GNPTAB: variants seen among roughly 807,000 people sequenced by gnomAD.
The protein encoded by GNPTAB is N-acetylglucosamine-1-phosphate transferase subunits alpha and beta.
GNPTAB carries 92 observed loss-of-function variants against 136.6 expected under a neutral mutation model. That is an observed-to-expected ratio of 0.67 (90% CI 0.57 to 0.80). The LOEUF (loss-of-function observed/expected upper bound fraction) is 0.80, where lower values mean the gene tolerates loss of function less well. GNPTAB is among the 30% of genes least tolerant of loss of function. The pLI is 0.00. For missense variants in GNPTAB, 1,343 were observed against 1,501.8 expected (o/e 0.89, Z 1.75); for synonymous variants, 512 against 535.1 (o/e 0.96, Z 0.60).
intron 2 of GNPTAB, among the ~76,000 whole-genome samples, chr12:101,795,653 T>G (rs1239087637): frequency 6.6e-6 from 1 of 151,892 alleles, no homozygotes; most frequent in Non-Finnish European, 1.5e-5. Flanking sequence ...CTTGGGAGGC[T>G]GAGGCAGGAG....
chr12:101,755,672 C>G (rs748981351), intron 18 of GNPTAB, among the ~76,000 whole-genome samples: 2 of 152,180 alleles, frequency 1.3e-5, no homozygotes, highest in Non-Finnish European at 2.9e-5. Context: ...TAAACATGTC[C>G]TTAAAGCTGA....
chr12:101,781,343 G>A (rs1953340457), intron 5 of GNPTAB, among the ~76,000 whole-genome samples: 4 of 152,126 alleles, frequency 2.6e-5, no homozygotes, highest in Admixed American at 2.0e-4. Flanking sequence ...CTGATGAGAT[G>A]AGATGTCAAT....
At chr12:101,822,650 T>A (rs991220327) in intron 1 of GNPTAB, among the ~76,000 whole-genome samples, 1 of 152,212 alleles carries the variant, frequency 6.6e-6, no homozygotes, top group Admixed American at 6.5e-5. Flanking sequence ...GCTTTCTCCC[T>A]GCAGCAGGCC....
chr12:101,830,632 G>T lies in GNPTAB; in HGVS notation c.44C>A (p.Ser15Tyr), dbSNP rs281864947. The stretch of plus-strand genomic sequence containing the variant: ...GCACACGTAGAGCCCATACCTGTGG[G>T]ACAGGCAGGTATAGGTCTGTCTCTG... ...LLQRQTYTCL[S>Y]HRYGLYVCFL... Residue 15 changes from serine to tyrosine, a missense_variant, in exon 1 of 21, where the codon TCC (serine) becomes TAC (tyrosine). Coordinates refer to ENST00000299314, the MANE Select transcript of GNPTAB (RefSeq NM_024312.5). The T allele has an allele frequency of 1.6e-5, 26 of 1,612,570 alleles. No individual in the cohort carries two copies. Among genetic ancestry groups the T allele is most frequent in the Non-Finnish European group, 2.2e-5 (26 of 1,178,922 alleles).
chr12:101,825,942 G>T (rs566617453), intron 1 of GNPTAB, among the ~76,000 whole-genome samples: 9 of 152,176 alleles, frequency 5.9e-5, no homozygotes, highest in Non-Finnish European at 1.3e-4. Context: ...CTAGGAGCAG[G>T]CCAGACGGTC....
At chr12:101,753,289 A>C in intron 19 of GNPTAB, 83 bp downstream of exon 19, 1 of 1,168,282 alleles carries the variant, frequency 8.6e-7, no homozygotes, top group African/African-American at 1.6e-5. Flanking sequence ...TTCATAAAAA[A>C]AACATTTCAT....
chr12:101,776,052 G>A (rs1019503445), intron 7 of GNPTAB, among the ~76,000 whole-genome samples: 3 of 151,672 alleles, frequency 2.0e-5, no homozygotes, highest in East Asian at 2.0e-4. Context: ...ATACACACAC[G>A]CTGCTTCCAA....
In GNPTAB at chr12:101,816,449, G is replaced by A. The variant is rs546639542; in HGVS notation, c.117+14110C>T. Among the ~76,000 whole-genome samples, 4 of 152,276 alleles carry A rather than the reference G, an allele frequency of 2.6e-5. No individual in the cohort carries two copies. In the East Asian group the frequency reaches 7.7e-4, roughly 29 times the overall value. ...AGTGGCCATAGGTATATTTAAAAATGCTCAACATTACAAGTTATCAGGGAA... is the reference window on the plus strand; with the variant it reads ...AGTGGCCATAGGTATATTTAAAAATACTCAACATTACAAGTTATCAGGGAA... On this transcript the variant is annotated intron_variant, in intron 1 of 20. Coordinates refer to ENST00000299314, the MANE Select transcript of GNPTAB (RefSeq NM_024312.5).
At chr12:101,776,646 T>G (rs1227483929) in intron 7 of GNPTAB, among the ~76,000 whole-genome samples, 2 of 152,266 alleles carry the variant, frequency 1.3e-5, no homozygotes, top group Non-Finnish European at 2.9e-5. Context: ...AAGACACATT[T>G]CTGTGCCTAG....
intron 1 of GNPTAB, among the ~76,000 whole-genome samples, chr12:101,806,732 G>A (rs1869953650): frequency 6.6e-6 from 1 of 151,966 alleles, no homozygotes; most frequent in Non-Finnish European, 1.5e-5. Flanking sequence ...CAAAAAACGA[G>A]AGAGGTCATC....
At chr12:101,756,252 C>A in intron 18 of GNPTAB, 2 of 156,252 alleles carry the variant, frequency 1.3e-5, no homozygotes, top group Admixed American at 6.4e-5. Context: ...TTGAAAATTC[C>A]AATTTCTTTC....
intron 1 of GNPTAB, among the ~76,000 whole-genome samples, chr12:101,828,408 G>A (rs909770578): frequency 2.6e-5 from 4 of 152,220 alleles, no homozygotes; most frequent in Non-Finnish European, 4.4e-5. Context: ...GCTCACGCCT[G>A]TAATCCCATG....
At chr12:101,781,825 T>A (rs1474016746) in intron 5 of GNPTAB, among the ~76,000 whole-genome samples, 1 of 152,248 alleles carries the variant, frequency 6.6e-6, no homozygotes, top group African/African-American at 2.4e-5. Flanking sequence ...TCTCTCTCTC[T>A]TTCCATTGAT....
chr12:101,781,493 C>G (rs1401499894), intron 5 of GNPTAB, among the ~76,000 whole-genome samples: 3 of 152,082 alleles, frequency 2.0e-5, no homozygotes, highest in Non-Finnish European at 2.9e-5. Context: ...TGGCAAAACC[C>G]TGTCTCTACA....
intron 7 of GNPTAB, among the ~76,000 whole-genome samples, chr12:101,774,183 G>A (rs776881657): frequency 3.9e-5 from 6 of 152,188 alleles, no homozygotes; most frequent in Admixed American, 2.6e-4. Context: ...AGGCTACAAC[G>A]ACTGAGCAAC....
In GNPTAB at chr12:101,770,429, G is replaced by C; in HGVS notation, c.1090C>G (p.Arg364Gly). Reference sequence around the variant, plus strand: ...ACCTGGTGTGTTACTATTGTCACTCGAGGATTGTCAAGGTTCAGCCAGGAT... The same window carrying C: ...ACCTGGTGTGTTACTATTGTCACTCCAGGATTGTCAAGGTTCAGCCAGGAT... ...IPSWLNLDNP[R>G]VTIVTHQDVF... The change falls in exon 9 of 21, where the codon CGA becomes GGA. Residue 364 changes from arginine to glycine, a missense_variant. Coordinates refer to ENST00000299314, the MANE Select transcript of GNPTAB (RefSeq NM_024312.5). 1.9e-6 allele frequency: 3 copies of C among 1,613,212 alleles called. No homozygotes were observed. The highest frequency in any genetic ancestry group is 2.5e-6 in the Non-Finnish European group (3 of 1,179,162).
At chr12:101,780,050 T>C in intron 7 of GNPTAB, 102 bp downstream of exon 7, 1 of 1,161,530 alleles carries the variant, frequency 8.6e-7, no homozygotes, top group South Asian at 1.2e-5. Context: ...GCTTCTTATG[T>C]TTATCAGCTA....
chr12:101,785,430 G>A (rs1017711104), intron 5 of GNPTAB, among the ~76,000 whole-genome samples: 6 of 152,050 alleles, frequency 3.9e-5, no homozygotes, highest in Admixed American at 6.5e-5. Flanking sequence ...ATGTTGCCCA[G>A]GCTGGTCTTG....
At chr12:101,791,451 T>C (rs1162738879) in intron 2 of GNPTAB, among the ~76,000 whole-genome samples, 5 of 149,214 alleles carry the variant, frequency 3.4e-5, no homozygotes, top group African/African-American at 1.3e-4. Flanking sequence ...CTAAAGATAG[T>C]TGATGAGCCA....
Sources: gnomAD v4.1 joint callset for allele counts (sites outside exome capture counted in the v4.1 genomes callset) on GRCh38, gnomAD v4.1.1 for gene constraint, MANE v1.5 for transcripts, NCBI Gene and HGNC (gene_info 2026-07-23, HGNC 2026-07-21) for gene names.